OR6C1: variants seen among roughly 807,000 people sequenced by gnomAD.
OR6C1 encodes olfactory receptor 6C1.
For synonymous variants in OR6C1, 157 were observed against 133.3 expected, an observed-to-expected ratio of 1.18 and a Z score of -1.22; for missense variants, 386 against 366.1, an observed-to-expected ratio of 1.05 and a Z score of -0.44.
At chr12:55,320,523 A>T in intron 1 of OR6C1, 44 bp from the exon 2 acceptor site, 3 of 848,878 alleles carry the variant, frequency 3.5e-6, no homozygotes, top group Non-Finnish European at 3.8e-6. Flanking sequence ...GATATTTGTT[A>T]ATTGATAACT....
chr12:55,318,738 A>T (rs1257567526), intron 1 of OR6C1, among the ~76,000 whole-genome samples: 1 of 150,662 alleles, frequency 6.6e-6, no homozygotes, highest in East Asian at 1.9e-4. Flanking sequence ...AAAGTTATTA[A>T]GTTAAATATA....
Position 55,320,726 on chromosome 12 carries a change from C to T in OR6C1, c.127C>T (p.Leu43Phe), listed in dbSNP as rs1422730613. The change falls in exon 2 of 2, where the codon CTT becomes TTT. Residue 43 changes from leucine to phenylalanine, a missense_variant. Transcript: ENST00000642104. ...YMLSITGNLT[L>F]ITITLLDSHL... ...GCTCAGCATCACTGGGAACCTGACC[C>T]TTATCACAATTACCCTGCTGGATTC... 1.2e-6 allele frequency: 2 copies of T among 1,613,994 alleles called. No individual in the cohort carries two copies. Among genetic ancestry groups the T allele is most frequent in the South Asian group, 1.1e-5 (1 of 91,068 alleles).
At chr12:55,318,221 A>AGTGTGTGTGT (rs71070867) in intron 1 of OR6C1, among the ~76,000 whole-genome samples, 1 of 128,594 alleles carries the variant, frequency 7.8e-6, no homozygotes, top group Non-Finnish European at 1.7e-5. Context: ...AGATAAGTGG[A>AGTGTGTGTGT]GTGTGTGTGT....
At chr12:55,315,919 A>G (rs1158623880) in intron 1 of OR6C1, among the ~76,000 whole-genome samples, 1 of 151,744 alleles carries the variant, frequency 6.6e-6, no homozygotes, top group Non-Finnish European at 1.5e-5. Flanking sequence ...ACAGAGTTAT[A>G]TGAGCAATAT....
intron 1 of OR6C1, among the ~76,000 whole-genome samples, chr12:55,320,258 T>C (rs1868505340): frequency 6.6e-6 from 1 of 152,170 alleles, no homozygotes; most frequent in South Asian, 2.1e-4. Context: ...TGGTTCTGAT[T>C]AGGGAGGAAA....
chr12:55,321,214 A>C lies in OR6C1; in HGVS notation c.615A>C (p.Leu205=). The C allele has an allele frequency of 7.4e-6, 12 of 1,613,950 alleles. No individual in the cohort carries two copies. Among genetic ancestry groups the C allele is most frequent in the Non-Finnish European group, 1.0e-5 (12 of 1,179,872 alleles). The change falls in exon 2 of 2, where the codon CTA becomes CTC. Residue 205 remains leucine (L), a synonymous_variant. Transcript: ENST00000642104. ...VMGFSCAAFT[L]MFTLALIFLS... is the part of the protein sequence containing the mutation. ...GATTTTCTTGTGCTGCGTTTACTCT[A>C]ATGTTCACTTTGGCATTAATATTTC...
At position 55,321,460 on chromosome 12, in the gene OR6C1, T is replaced by A; in HGVS notation, c.861T>A (p.Ile287=). 6.2e-7 allele frequency: 1 copy of A among 1,613,844 alleles called. No individual in the cohort carries two copies. Among genetic ancestry groups the A allele is most frequent in the Non-Finnish European group, 8.5e-7 (1 of 1,179,878 alleles). ...TAGCCCCCATGATGAACCCCTTTAT[T>A]TACAGCCTAAGAAATCAGCAAGTCA... The part of the protein sequence containing the change: ...TSVAPMMNPF[I]YSLRNQQVKQ... Residue 287 remains isoleucine, a synonymous_variant, in exon 2 of 2, where the codon ATT becomes ATA. Coordinates refer to ENST00000642104, the MANE Select transcript of OR6C1 (RefSeq NM_001005182.2).
chr12:55,321,904 A>G lies in OR6C1; in HGVS notation c.*366A>G, dbSNP rs1217866693. 1 of 154,598 alleles carries G rather than the reference A, an allele frequency of 6.5e-6. No homozygotes were observed. The highest frequency in any genetic ancestry group is 1.4e-5 in the Non-Finnish European group (1 of 69,772). The allele number at this position is 154,598 out of a possible 1,614,324, so 9.6% of individuals were successfully genotyped here. ...CAGAACATATAGTTTTATAATTTTA[A>G]TTTATTCTTATAGAAATTCCCTTCA... On this transcript the variant is annotated 3_prime_UTR_variant, in exon 2 of 2. Transcript: ENST00000642104.
At chr12:55,315,022 C>T (rs1262815561) in intron 1 of OR6C1, among the ~76,000 whole-genome samples, 1 of 151,450 alleles carries the variant, frequency 6.6e-6, no homozygotes, top group Non-Finnish European at 1.5e-5. Context: ...ATAGATACTG[C>T]CTTTAATAAA....
At chr12:55,315,470 G>T (rs1490802862) in intron 1 of OR6C1, among the ~76,000 whole-genome samples, 1 of 151,648 alleles carries the variant, frequency 6.6e-6, no homozygotes, top group Non-Finnish European at 1.5e-5. Context: ...AACCTTTACA[G>T]AAATGAGTGT....
Position 55,321,155 on chromosome 12 carries a change from G to A in OR6C1, c.556G>A (p.Ala186Thr). Reference protein sequence around the residue: ...TCDYFPLLQLACSDTKFLEVM... With the variant: ...TCDYFPLLQLTCSDTKFLEVM... ...TGATTATTTTCCACTGCTGCAACTT[G>A]CTTGTTCAGACACAAAATTCTTAGA... The change falls in exon 2 of 2, where the codon GCT (alanine) becomes ACT (threonine). Residue 186 changes from alanine to threonine, a missense_variant. By Grantham distance (58) the Ala-to-Thr change is moderately conservative. Coordinates refer to ENST00000642104, the MANE Select transcript of OR6C1 (RefSeq NM_001005182.2). 1 of 1,613,962 alleles carries A rather than the reference G, an allele frequency of 6.2e-7. No homozygotes were observed. Among genetic ancestry groups the A allele is most frequent in the Non-Finnish European group, 8.5e-7 (1 of 1,179,908 alleles).
At chr12:55,320,273 TAGGCATGTCTTTGAAAGATAAC>T (rs1565661791) in intron 1 of OR6C1, among the ~76,000 whole-genome samples, 1 of 152,168 alleles carries the variant, frequency 6.6e-6, no homozygotes, top group Admixed American at 6.6e-5. Context: ...AGGAAACTTG[TAGGCATGTCTTTGAAAGATAAC>T]AGGTATTATG....
In OR6C1 at chr12:55,320,979, C is replaced by T. The variant is rs147373442; in HGVS notation, c.380C>T (p.Pro127Leu). Residue 127 changes from proline to leucine, a missense_variant, in exon 2 of 2, where the codon CCT (proline) becomes CTT (leucine). By Grantham distance (98) the Pro-to-Leu change is moderately conservative (BLOSUM62 -3). Coordinates refer to ENST00000642104, the MANE Select transcript of OR6C1 (RefSeq NM_001005182.2). ...GACCGCTATGTGGCCATCTGCAAGC[C>T]TCTGCATTGCTTGAGTATCATGAAT... ...SYDRYVAICK[P>L]LHCLSIMNRR... is the part of the protein sequence containing the mutation. The T allele has an allele frequency of 6.2e-6, 10 of 1,613,866 alleles. No homozygotes were observed. In the African/African-American group the frequency reaches 6.7e-5, roughly 11 times the overall value.
intron 1 of OR6C1, among the ~76,000 whole-genome samples, chr12:55,316,876 T>C (rs1868418516): frequency 6.6e-6 from 1 of 151,842 alleles, no homozygotes; most frequent in East Asian, 1.9e-4. Context: ...TTTTGTGAAG[T>C]CTCTCATGAA....
intron 1 of OR6C1, among the ~76,000 whole-genome samples, chr12:55,315,457 A>G (rs2120437458): frequency 6.6e-6 from 1 of 151,844 alleles, no homozygotes; most frequent in Non-Finnish European, 1.5e-5. Flanking sequence ...TTTATTTTCC[A>G]GAAACCTTTA....
rs1346873764 is a variant in OR6C1, at chr12:55,321,543, G to T, written c.*5G>T. The T allele has an allele frequency of 4.4e-6, 7 of 1,590,006 alleles. No homozygotes were observed. The highest frequency in any genetic ancestry group is 1.3e-5 in the African/African-American group (1 of 74,110). On this transcript the variant is annotated 3_prime_UTR_variant, in exon 2 of 2. Transcript: ENST00000642104. ...GTATTTTTCACAAGCACATGAAATG[G>T]TATGGTGTGATGAATTAGAGGCACA...
chr12:55,316,301 T>C (rs865892739), intron 1 of OR6C1, among the ~76,000 whole-genome samples: 11 of 151,778 alleles, frequency 7.2e-5, no homozygotes, highest in African/African-American at 2.4e-4. Flanking sequence ...TCGTTAATAT[T>C]TACCTGATGG....
intron 1 of OR6C1, among the ~76,000 whole-genome samples, chr12:55,319,591 G>C (rs1868485707): frequency 6.6e-6 from 1 of 152,176 alleles, no homozygotes; most frequent in Non-Finnish European, 1.5e-5. Context: ...AAGGCAATGA[G>C]TAAAACTACC....
intron 1 of OR6C1, among the ~76,000 whole-genome samples, chr12:55,317,472 T>C (rs1868429116): frequency 6.6e-6 from 1 of 151,972 alleles, no homozygotes; most frequent in African/African-American, 2.4e-5. Context: ...TAAACACAGC[T>C]CACAAGGTAA....
Sources: allele counts gnomAD v4.1 joint callset (sites outside exome capture counted in the v4.1 genomes callset), GRCh38; gene constraint gnomAD v4.1.1; transcripts MANE v1.5; gene names NCBI Gene and HGNC (gene_info 2026-07-23, HGNC 2026-07-21).